The following TPSG1 variants were observed in gnomAD, a reference collection of about 807,000 sequenced individuals.
TPSG1 encodes tryptase gamma 1.
In TPSG1, 43 loss-of-function variants were observed where a neutral mutation model predicts 23.8. The ratio of observed to expected loss-of-function variants is 1.81; its 90% CI spans 1.42 to 2.33. TPSG1 has a LOEUF of 2.33. TPSG1 is among the 30% of genes most tolerant of loss of function. The pLI is 0.00. For synonymous variants in TPSG1, 302 were observed against 201.3 expected, an observed-to-expected ratio of 1.50 and a Z score of -4.23; for missense variants, 623 against 438.6, an observed-to-expected ratio of 1.42 and a Z score of -3.75.
At chr16:1,224,651 A>G in intron 1 of TPSG1, 23 bp from the exon 2 acceptor site, 1 of 1,613,536 alleles carries the variant, frequency 6.2e-7, no homozygotes, top group Non-Finnish European at 8.5e-7. Flanking sequence ...CGAAGGGCCC[A>G]GGATGGAGGG....
At chr16:1,223,980 T>A in intron 2 of TPSG1, 1 of 247,524 alleles carries the variant, frequency 4.0e-6, no homozygotes, top group Non-Finnish European at 7.6e-6. Flanking sequence ...GGTGGAGATA[T>A]TCGAAGCTGG....
chr16:1,222,103 A>T lies in TPSG1; in HGVS notation c.658-7T>A, dbSNP rs1203704784. ...GAGGCCCCCCGGAGTCGTCCTGAGG[A>T]CAGAGAAGGCGAGCATTGGGAGCCG... On this transcript the variant is annotated splice_region_variant and splice_polypyrimidine_tract_variant and intron_variant, in intron 5 of 5. Transcript: ENST00000234798. 6.2e-7 allele frequency: 1 copy of T among 1,612,538 alleles called. No individual in the cohort carries two copies. The highest frequency in any genetic ancestry group is 8.5e-7 in the Non-Finnish European group (1 of 1,179,962).
chr16:1,223,288 C>T, intron 3 of TPSG1, 135 bp downstream of exon 3: 6 of 1,212,872 alleles, frequency 4.9e-6, no homozygotes, highest in South Asian at 3.2e-5. Flanking sequence ...CAGCTCCTCC[C>T]TTTCCATTGG....
At chr16:1,223,962 T>G in intron 2 of TPSG1, 2 of 272,210 alleles carry the variant, frequency 7.3e-6, no homozygotes, top group Non-Finnish European at 1.4e-5. Context: ...CGGTTTTCCT[T>G]CAGGGGTGGT....
In TPSG1 at chr16:1,221,877, G is replaced by A. The variant is rs1048850542; in HGVS notation, c.877C>T (p.Leu293Phe). The part of the protein sequence containing the change: ...PLLAGFFLPG[L>F]FLLLVSCVLL... Reference sequence around the variant, plus strand: ...ACACAGGAGACTAGCAGAAGGAAGAGGCCGGGGAGGAAGAAGCCAGCCAGG... The same window carrying A: ...ACACAGGAGACTAGCAGAAGGAAGAAGCCGGGGAGGAAGAAGCCAGCCAGG... The change falls in exon 6 of 6, where the codon CTC becomes TTC. Residue 293 changes from leucine to phenylalanine, a missense_variant. Transcript: ENST00000234798. 37 of 1,611,866 alleles carry A rather than the reference G, an allele frequency of 2.3e-5. No individual in the cohort carries two copies. The highest frequency in any genetic ancestry group is 3.3e-4 in the Middle Eastern group (2 of 6,078).
rs2294608 is a variant in TPSG1 at position 1,222,722 on chromosome 16, C to T, written c.441G>A (p.Pro147=). ...LSSRILPVCL[P]EASDDFCPGI... is the part of the protein sequence containing the mutation. ...CAGGGCAGAAGTCATCTGAGGCCTC[C>T]GGGAGGCAGACGGGCAGGATCCGGC... is the stretch of plus-strand genomic sequence containing the variant. The change falls in exon 4 of 6, where the codon CCG becomes CCA. Residue 147 remains proline (P), a synonymous_variant. Transcript: ENST00000234798. 0.022 allele frequency: 36,180 copies of T among 1,610,066 alleles called. 546 individuals are homozygous for T. The highest frequency in any genetic ancestry group is 0.075 in the East Asian group (3,377 of 44,778).
rs1182050610 is a variant in TPSG1, at chr16:1,223,292, C to G, written c.245+131G>C. The G allele has an allele frequency of 5.7e-6, 7 of 1,228,574 alleles. No homozygotes were observed. The African/African-American group carries it at 6.2e-5, about 11-fold the overall frequency. The allele number at this position is 1,228,574 out of a possible 1,614,324, so 76.1% of individuals were successfully genotyped here. On this transcript the variant is annotated intron_variant, in intron 3 of 5. Coordinates refer to ENST00000234798, the MANE Select transcript of TPSG1 (RefSeq NM_012467.4). ...AGGTGGGCAACCAGCTCCTCCCTTT[C>G]CATTGGAAGGAAGTAGGCTCAGAGT... is the stretch of plus-strand genomic sequence containing the variant.
chr16:1,223,956 T>G, intron 2 of TPSG1: 1 of 294,706 alleles, frequency 3.4e-6, no homozygotes, highest in Non-Finnish European at 6.2e-6. Flanking sequence ...GGGCCCCGGT[T>G]TTCCTTCAGG....
At chr16:1,222,390 G>A in intron 4 of TPSG1, 49 bp from the exon 5 acceptor site, 1 of 1,486,420 alleles carries the variant, frequency 6.7e-7, no homozygotes, top group Non-Finnish European at 9.1e-7. Context: ...ACCAGGCCCT[G>A]CACTGGGGGG....
intron 2 of TPSG1, among the ~76,000 whole-genome samples, chr16:1,224,345 G>A (rs572553559): frequency 1.6e-3 from 248 of 152,244 alleles, no homozygotes; most frequent in Non-Finnish European, 2.8e-3. Context: ...GAGAAAGTTC[G>A]AGGAGGGCCA....
chr16:1,222,507 T>G, intron 4 of TPSG1, 145 bp downstream of exon 4: 1 of 1,314,796 alleles, frequency 7.6e-7, no homozygotes, highest in Non-Finnish European at 1.0e-6. Context: ...ACGACAGGCT[T>G]TGAAAAGGGA....
In TPSG1 at chr16:1,222,005, T is replaced by C. The variant is rs767879686; in HGVS notation, c.749A>G (p.Asn250Ser). The change falls in exon 6 of 6, where the codon AAC becomes AGC. Residue 250 changes from asparagine (N) to serine (S), a missense_variant. Asn to Ser is a conservative substitution (Grantham distance 46, BLOSUM62 1). Transcript: ENST00000234798. ...VSWGEGCGRP[N>S]RPGVYTRVPA... ...GACACGAGTGTAGACTCCCGGCCTG[T>C]TGGGGCGGCCGCAGCCCTCACCCCA... 3 of 1,612,510 alleles carry C rather than the reference T, an allele frequency of 1.9e-6. No homozygotes were observed. The highest frequency in any genetic ancestry group is 1.1e-5 in the South Asian group (1 of 91,070).
chr16:1,223,503 G>GAGGCT lies in TPSG1; in HGVS notation c.160_164dup (p.Arg56AlafsTer31). 8.9e-6 allele frequency: 14 copies of GAGGCT among 1,569,746 alleles called. No individual in the cohort carries two copies. Among genetic ancestry groups the GAGGCT allele is most frequent in the Non-Finnish European group, 1.2e-5 (14 of 1,160,240 alleles). The stretch of plus-strand genomic sequence containing the variant: ...CGCACACGTGCACCCTCCGCAGGCG[G>GAGGCT]AGGCTGGCCTGCCATGGCCATGCGC... On this transcript the variant is annotated frameshift_variant, in exon 3 of 6. Coordinates refer to ENST00000234798, the MANE Select transcript of TPSG1 (RefSeq NM_012467.4). LOFTEE classifies it high-confidence loss of function.
intron 3 of TPSG1, 48 bp from the exon 4 acceptor site, chr16:1,222,965 A>G (rs1596486469): frequency 1.3e-6 from 2 of 1,550,716 alleles, no homozygotes; most frequent in South Asian, 1.2e-5. Flanking sequence ...CGGAGGCTGG[A>G]GGTCAGTGTC....
intron 2 of TPSG1, chr16:1,223,966 G>T: frequency 3.6e-6 from 1 of 277,876 alleles, no homozygotes; most frequent in Non-Finnish European, 6.6e-6. Flanking sequence ...TTTCCTTCAG[G>T]GGTGGTGGAG....
At chr16:1,224,855 A>C in intron 1 of TPSG1, 1 of 616,984 alleles carries the variant, frequency 1.6e-6, no homozygotes, top group East Asian at 2.8e-5. Context: ...GCTTGGCCTC[A>C]GGCCTGGGCC....
At position 1,223,580 on chromosome 16, in the gene TPSG1, GCGGC is replaced by G. The variant is rs1166452914; in HGVS notation, c.84_87del (p.Pro29ArgfsTer55). On this transcript the variant is annotated frameshift_variant, in exon 3 of 6. Coordinates refer to ENST00000234798, the MANE Select transcript of TPSG1 (RefSeq NM_012467.4). LOFTEE classifies it high-confidence loss of function. The stretch of plus-strand genomic sequence containing the variant: ...ATCCGGCCGCCTGCATCCGAAACCT[GCGGC>G]CGGCCACACCCTAAGTCGAAGGAGG... 13 of 1,542,014 alleles carry G rather than the reference GCGGC, an allele frequency of 8.4e-6. No individual in the cohort carries two copies. Among genetic ancestry groups the G allele is most frequent in the Admixed American group, 2.0e-5 (1 of 50,024 alleles).
At chr16:1,224,322 G>A (rs1293217261) in intron 2 of TPSG1, among the ~76,000 whole-genome samples, 1 of 152,128 alleles carries the variant, frequency 6.6e-6, no homozygotes, top group Non-Finnish European at 1.5e-5. Context: ...GGCCACGGTG[G>A]GGACGCTGTG....
chr16:1,223,656 A>G (rs1056294236), intron 2 of TPSG1, 62 bp from the exon 3 acceptor site: 11 of 1,505,736 alleles, frequency 7.3e-6, no homozygotes, highest in East Asian at 2.5e-5. Flanking sequence ...CACTTCCTCC[A>G]TGAAGCCTTC....
Sources: gnomAD v4.1 joint callset for allele counts (sites outside exome capture counted in the v4.1 genomes callset) on GRCh38, gnomAD v4.1.1 for gene constraint, MANE v1.5 for transcripts, NCBI Gene and HGNC (gene_info 2026-07-23, HGNC 2026-07-21) for gene names.